Variants in ARPIN observed in about 807,000 individuals in gnomAD.
ARPIN encodes UPF0552 protein C15orf38.
ARPIN carries 23 observed loss-of-function variants against 25.9 expected under a neutral mutation model. That is an observed-to-expected ratio of 0.89 (90% CI 0.64 to 1.26). The LOEUF (loss-of-function observed/expected upper bound fraction) is 1.26, where lower values mean the gene tolerates loss of function less well. Among genes scored for constraint, ARPIN ranks in the 50% most tolerant of loss-of-function variants. The pLI is 0.00. For missense variants in ARPIN, 333 were observed against 312.2 expected (o/e 1.07, Z -0.50); for synonymous variants, 126 against 131.4 (o/e 0.96, Z 0.28).
At chr15:89,902,650 G>C (rs1351501701) in intron 5 of ARPIN, among the ~76,000 whole-genome samples, 1 of 151,582 alleles carries the variant, frequency 6.6e-6, no homozygotes, top group Non-Finnish European at 1.5e-5. Context: ...GCTGCAGTGA[G>C]CCATGATCGT....
chr15:89,905,430 G>C (rs780482033), intron 3 of ARPIN, among the ~76,000 whole-genome samples: 6 of 152,060 alleles, frequency 3.9e-5, no homozygotes, highest in Non-Finnish European at 7.4e-5. Flanking sequence ...GCTGCAGATA[G>C]ACCCCTTCCC....
chr15:89,912,678 C>CCCCCCCTTTTT, intron 1 of ARPIN, 66 bp downstream of exon 1: 2 of 1,219,108 alleles, frequency 1.6e-6, no homozygotes, highest in Non-Finnish European at 1.0e-6. Flanking sequence ...CCCCCCCACC[C>CCCCCCCTTTTT]GATCCTGTTG....
At chr15:89,906,995 C>T (rs1381190464) in intron 3 of ARPIN, among the ~76,000 whole-genome samples, 1 of 151,910 alleles carries the variant, frequency 6.6e-6, no homozygotes, top group Non-Finnish European at 1.5e-5. Context: ...TCAAACTCAG[C>T]TGCCTTTCCT....
chr15:89,902,924 G>C, intron 5 of ARPIN: 1 of 1,340,138 alleles, frequency 7.5e-7, no homozygotes, highest in Non-Finnish European at 9.6e-7. Context: ...GAAATGTTTT[G>C]AGACTTAATG....
At chr15:89,911,917 C>T (rs1463491933) in intron 1 of ARPIN, 1 of 152,762 alleles carries the variant, frequency 6.5e-6, no homozygotes, top group Admixed American at 6.5e-5. Flanking sequence ...ACCTCCACCT[C>T]CCAGGTTCAA....
In ARPIN at chr15:89,896,723, T is replaced by C. The variant is rs1183475508; in HGVS notation, c.*5072A>G. 6.6e-6 allele frequency: 1 copy of C among 151,980 alleles called. No homozygotes were observed. Among genetic ancestry groups the C allele is most frequent in the Non-Finnish European group, 1.5e-5 (1 of 67,986 alleles). 9.4% of individuals were successfully genotyped at this position (151,980 alleles called of 1,614,324 possible). A position where few individuals can be genotyped will look rare whatever the true frequency, so the allele number is the denominator to read the frequency against. Reference sequence around the variant, plus strand: ...ACTCCCCATCTCCCCAGTAGATAAATGGACGAAAGAACGAATAACAAAGGG... The same window carrying C: ...ACTCCCCATCTCCCCAGTAGATAAACGGACGAAAGAACGAATAACAAAGGG... On this transcript the variant is annotated 3_prime_UTR_variant, in exon 6 of 6. Coordinates refer to ENST00000357484, the MANE Select transcript of ARPIN (RefSeq NM_182616.4).
At chr15:89,908,514 G>C in intron 2 of ARPIN, 102 bp from the exon 3 acceptor site, 1 of 1,537,720 alleles carries the variant, frequency 6.5e-7, no homozygotes, top group Non-Finnish European at 8.8e-7. Context: ...TACCCTAGAA[G>C]CCCACCTCAG....
chr15:89,903,606 A>G (rs906376027), intron 4 of ARPIN, among the ~76,000 whole-genome samples, 171 bp downstream of exon 4: 1 of 152,216 alleles, frequency 6.6e-6, no homozygotes, highest in Admixed American at 6.5e-5. Context: ...GTCGAGCCCA[A>G]TGGCCCTAGG....
Position 89,908,565 on chromosome 15 carries a change from C to G in ARPIN, c.169-153G>C, listed in dbSNP as rs1346305036. Among the ~76,000 whole-genome samples, 4 of 152,094 alleles carry G rather than the reference C, an allele frequency of 2.6e-5. No individual in the cohort carries two copies. The East Asian group carries it at 7.7e-4, about 29-fold the overall frequency. On this transcript the variant is annotated intron_variant, in intron 2 of 5. Coordinates refer to ENST00000357484, the MANE Select transcript of ARPIN (RefSeq NM_182616.4). ...AAGCTAGGCAGATGCTCCCTCTGCC[C>G]CCAAATACTTATGCATTCATGGGTT...
At chr15:89,912,619 G>A (rs1038638980) in intron 1 of ARPIN, 125 bp downstream of exon 1, 18 of 1,351,570 alleles carry the variant, frequency 1.3e-5, no homozygotes, top group South Asian at 1.8e-5. Context: ...GCGGACTGAA[G>A]GCGGAGAGGC....
Position 89,903,253 on chromosome 15 carries a change from A to C in ARPIN, c.635T>G (p.Ile212Ser). The C allele has an allele frequency of 6.2e-7, 1 of 1,614,030 alleles. No homozygotes were observed. Among genetic ancestry groups the C allele is most frequent in the Non-Finnish European group, 8.5e-7 (1 of 1,179,994 alleles). ...QKCSKGAAAE[I>S]REQGDGAEDE... The stretch of plus-strand genomic sequence containing the variant: ...CTCTGCCCCATCCCCCTGCTCTCGG[A>C]TCTCCGCTGCAGCCCCCTTCGAACA... Residue 212 changes from isoleucine to serine, a missense_variant, in exon 5 of 6, where the codon ATC becomes AGC. Ile to Ser is a moderately radical substitution (Grantham distance 142). Transcript: ENST00000357484.
At chr15:89,907,327 C>G (rs1897139240) in intron 3 of ARPIN, among the ~76,000 whole-genome samples, 1 of 152,020 alleles carries the variant, frequency 6.6e-6, no homozygotes. Flanking sequence ...CTCGGCCTCC[C>G]AAAGTGCTGG....
chr15:89,912,431 C>CG (rs902135249), intron 1 of ARPIN: 2 of 1,185,360 alleles, frequency 1.7e-6, no homozygotes, highest in African/African-American at 3.2e-5. Flanking sequence ...TATAGTTACG[C>CG]GGGTGGGGTG....
In ARPIN at chr15:89,903,929, A is replaced by G. The variant is rs2141920224; in HGVS notation, c.356T>C (p.Leu119Pro). The change falls in exon 4 of 6, where the codon CTG becomes CCG. Residue 119 changes from leucine to proline, a missense_variant. Coordinates refer to ENST00000357484, the MANE Select transcript of ARPIN (RefSeq NM_182616.4). ...DRLTPEALKG[L>P]VNKPELLALT... ...CGCGAGCAGCTCTGGCTTGTTGACC[A>G]GCCCCTTCAGCGCCTCGGGCGTGAG... The G allele has an allele frequency of 2.5e-6, 4 of 1,612,620 alleles. No homozygotes were observed. The highest frequency in any genetic ancestry group is 3.4e-6 in the Non-Finnish European group (4 of 1,180,014).
At chr15:89,907,852 A>AAC in intron 3 of ARPIN, among the ~76,000 whole-genome samples, 1 of 152,212 alleles carries the variant, frequency 6.6e-6, no homozygotes, top group Non-Finnish European at 1.5e-5. Flanking sequence ...AAAATAAACA[A>AAC]ACACATTTCT....
chr15:89,903,009 C>G (rs1268194897), intron 5 of ARPIN: 1 of 1,450,512 alleles, frequency 6.9e-7, no homozygotes, highest in Non-Finnish European at 9.1e-7. Flanking sequence ...AGGTTCAGAG[C>G]CACCTACAAG....
intron 3 of ARPIN, among the ~76,000 whole-genome samples, chr15:89,905,903 A>G (rs11629791): frequency 0.68 from 103,648 of 151,834 alleles, 36,030 homozygotes; most frequent in East Asian, 0.82. Flanking sequence ...GCCTCAGTAG[A>G]CCTCTACCCA....
intron 2 of ARPIN, 147 bp from the exon 3 acceptor site, chr15:89,908,559 T>A: frequency 7.2e-7 from 1 of 1,383,374 alleles, no homozygotes; most frequent in Non-Finnish European, 9.7e-7. Context: ...AGATGCTCCC[T>A]CTGCCCCCAA....
In ARPIN at chr15:89,897,232, C is replaced by T. The variant is rs1896943813; in HGVS notation, c.*4563G>A. Reference sequence around the variant, plus strand: ...GGGCGTGGTGGCTCACGCCTGTAATCCCAGCAATTTGGGAGGCTGAGGAGT... The same window carrying T: ...GGGCGTGGTGGCTCACGCCTGTAATTCCAGCAATTTGGGAGGCTGAGGAGT... On this transcript the variant is annotated 3_prime_UTR_variant, in exon 6 of 6. Transcript: ENST00000357484. The T allele has an allele frequency of 6.6e-6, 1 of 152,242 alleles. No homozygotes were observed. The highest frequency in any genetic ancestry group is 2.1e-4 in the South Asian group (1 of 4,836). 9.4% of individuals were successfully genotyped at this position (152,242 alleles called of 1,614,324 possible).
Sources: gnomAD v4.1 joint callset for allele counts (sites outside exome capture counted in the v4.1 genomes callset) on GRCh38, gnomAD v4.1.1 for gene constraint, MANE v1.5 for transcripts, NCBI Gene and HGNC (gene_info 2026-07-23, HGNC 2026-07-21) for gene names.